THSD7A: variants seen among roughly 807,000 people sequenced by gnomAD.
THSD7A encodes the protein thrombospondin type-1 domain-containing protein 7A.
THSD7A carries 96 observed loss-of-function variants against 231.3 expected under a neutral mutation model. The observed-to-expected ratio is 0.41, with a 90% CI of 0.35 to 0.49. The LOEUF is 0.49. Among genes scored for constraint, THSD7A ranks in the 20% least tolerant of loss-of-function variants. The probability of loss-of-function intolerance (pLI) is 0.05; values close to 1 mark genes in which losing one functional copy is unlikely to be tolerated. For synonymous variants in THSD7A, 940 were observed against 743.3 expected (o/e 1.26, Z -4.30); for missense variants, 2,290 against 2,070.2 (o/e 1.11, Z -2.06).
At chr7:11,594,928 AGACGTGT>A (rs1158246676) in intron 2 of THSD7A, among the ~76,000 whole-genome samples, 2 of 152,198 alleles carry the variant, frequency 1.3e-5, no homozygotes, top group Admixed American at 6.5e-5. Context: ...CTTGGAATGC[AGACGTGT>A]GGGGGGACCC....
chr7:11,642,377 AAGGAC>A, intron 1 of THSD7A, among the ~76,000 whole-genome samples: 1 of 152,154 alleles, frequency 6.6e-6, no homozygotes, highest in East Asian at 1.9e-4. Flanking sequence ...GAGCAAAATA[AAGGAC>A]AGGCAGCTTT....
At chr7:11,723,304 A>T (rs983297808) in intron 1 of THSD7A, among the ~76,000 whole-genome samples, 3 of 126,854 alleles carry the variant, frequency 2.4e-5, no homozygotes, top group Non-Finnish European at 4.8e-5. Flanking sequence ...GAAGGGGAAC[A>T]TCACACACTG....
intron 1 of THSD7A, among the ~76,000 whole-genome samples, chr7:11,677,615 C>CAAAAAA (rs1783694804): frequency 1.4e-5 from 1 of 73,116 alleles, no homozygotes; most frequent in African/African-American, 7.4e-5. Context: ...AAAAAAAAAG[C>CAAAAAA]AGGGGTTGCA....
intron 6 of THSD7A, among the ~76,000 whole-genome samples, chr7:11,509,756 A>C (rs1273439666): frequency 1.4e-5 from 2 of 140,654 alleles, no homozygotes; most frequent in Non-Finnish European, 3.1e-5. Context: ...CGGGAGGCGG[A>C]GCTTGCAGTG....
chr7:11,544,693 C>G (rs1443868354), intron 4 of THSD7A, among the ~76,000 whole-genome samples: 1 of 152,150 alleles, frequency 6.6e-6, no homozygotes, highest in Non-Finnish European at 1.5e-5. Context: ...TATCTAAAGC[C>G]TATGACATTG....
At chr7:11,631,383 GTTT>G (rs1478886962) in intron 2 of THSD7A, among the ~76,000 whole-genome samples, 2 of 152,048 alleles carry the variant, frequency 1.3e-5, no homozygotes, top group African/African-American at 4.8e-5. Context: ...ACTTCCTCAT[GTTT>G]AATTCCAAAT....
intron 6 of THSD7A, among the ~76,000 whole-genome samples, chr7:11,530,361 A>G (rs11766825): frequency 0.16 from 24,130 of 152,010 alleles, 3,130 homozygotes; most frequent in African/African-American, 0.35. Context: ...ATAAAAGTTT[A>G]CTTGAGGAGA....
chr7:11,521,107 A>C (rs1325615018), intron 6 of THSD7A, among the ~76,000 whole-genome samples: 2 of 152,200 alleles, frequency 1.3e-5, no homozygotes, highest in Non-Finnish European at 2.9e-5. Flanking sequence ...TTTAAGGAAC[A>C]TAGTGATCAT....
intron 2 of THSD7A, among the ~76,000 whole-genome samples, chr7:11,617,927 G>C (rs752971370): frequency 6.6e-6 from 1 of 152,080 alleles, no homozygotes; most frequent in Non-Finnish European, 1.5e-5. Context: ...CATGGCACAT[G>C]TATACATATG....
intron 9 of THSD7A, among the ~76,000 whole-genome samples, chr7:11,465,564 C>A (rs1785669072): frequency 6.6e-6 from 1 of 151,020 alleles, no homozygotes; most frequent in South Asian, 2.1e-4. Flanking sequence ...ATTTAAAAGG[C>A]AGGCAAAACT....
chr7:11,794,914 T>C (rs1422235495), intron 1 of THSD7A, among the ~76,000 whole-genome samples: 1 of 152,044 alleles, frequency 6.6e-6, no homozygotes, highest in African/African-American at 2.4e-5. Context: ...AAACAGGATT[T>C]CATTTTTCTA....
intron 4 of THSD7A, among the ~76,000 whole-genome samples, chr7:11,573,580 T>G (rs891448625): frequency 6.6e-6 from 1 of 152,246 alleles, no homozygotes; most frequent in African/African-American, 2.4e-5. Flanking sequence ...ATATAATTTG[T>G]TAAATTTTAT....
chr7:11,424,648 G>C, intron 16 of THSD7A, 48 bp downstream of exon 16: 2 of 1,609,026 alleles, frequency 1.2e-6, no homozygotes, highest in African/African-American at 1.3e-5. Flanking sequence ...GTGCAATTGG[G>C]AGATAGTTTT....
intron 1 of THSD7A, among the ~76,000 whole-genome samples, chr7:11,642,645 T>C (rs1782127535): frequency 6.6e-6 from 1 of 152,116 alleles, no homozygotes; most frequent in African/African-American, 2.4e-5. Context: ...AGACTCACAA[T>C]ACAAATATTT....
intron 4 of THSD7A, among the ~76,000 whole-genome samples, chr7:11,577,768 T>C (rs65): frequency 6.6e-6 from 1 of 151,940 alleles, no homozygotes; most frequent in African/African-American, 2.4e-5. Context: ...AGCGTGGCAT[T>C]CCAAGTTTGA....
rs1171517464 is a variant in THSD7A, at chr7:11,446,580, C to T, written c.2801-256G>A. ...TTTCACATACTTTTTAATTATACTA[C>T]AGATAAGTATATATTTATCTCTCAC... On this transcript the variant is annotated intron_variant, in intron 12 of 27. Transcript: ENST00000423059. This position sits in a 1 kb window ranked among gnomAD's most constrained non-coding sequence, Gnocchi z 4.0. Among the ~76,000 whole-genome samples the T allele has an allele frequency of 1.3e-5, 2 of 152,022 alleles. No individual in the cohort carries two copies. Among genetic ancestry groups the T allele is most frequent in the Admixed American group, 6.6e-5 (1 of 15,264 alleles).
chr7:11,402,336 CAAAG>C (rs1783435089), intron 22 of THSD7A, among the ~76,000 whole-genome samples: 1 of 152,152 alleles, frequency 6.6e-6, no homozygotes, highest in Non-Finnish European at 1.5e-5. Context: ...GAGTTACACT[CAAAG>C]AAAGCCTAAA....
At chr7:11,801,478 C>A (rs142370120) in intron 1 of THSD7A, among the ~76,000 whole-genome samples, 24 of 152,084 alleles carry the variant, frequency 1.6e-4, no homozygotes, top group African/African-American at 5.6e-4. Context: ...AAGGTAACAA[C>A]GTTAGAAAGT....
rs1164812764 is a variant in THSD7A, at chr7:11,797,834, T to C, written c.190+33923A>G. On this transcript the variant is annotated intron_variant, in intron 1 of 27. Coordinates refer to ENST00000423059, the MANE Select transcript of THSD7A (RefSeq NM_015204.3). ...CTCAGCCAGACATCACTCCCATTAA[T>C]GGCCTTGGAAAATAACTATTTTAGT... Among the ~76,000 whole-genome samples the C allele has an allele frequency of 2.6e-5, 4 of 152,208 alleles. No individual in the cohort carries two copies. The East Asian group carries it at 7.7e-4, about 29-fold the overall frequency.
Sources: allele counts gnomAD v4.1 joint callset (sites outside exome capture counted in the v4.1 genomes callset), GRCh38; gene constraint gnomAD v4.1.1; non-coding constraint Gnocchi (gnomAD v3.1); transcripts MANE v1.5; gene names NCBI Gene and HGNC (gene_info 2026-07-23, HGNC 2026-07-21).